Variants in TFAM observed in about 807,000 individuals in gnomAD.
TFAM encodes the protein transcription factor A, mitochondrial, also known as mitochondrial transcription factor 1.
In TFAM, 13 loss-of-function variants were observed where a neutral mutation model predicts 30.6. That is an observed-to-expected ratio of 0.42 (90% CI 0.28 to 0.67). The LOEUF (loss-of-function observed/expected upper bound fraction) is 0.67, where lower values mean the gene tolerates loss of function less well. TFAM is among the 30% of genes least tolerant of loss of function. The pLI, the probability that TFAM is intolerant of heterozygous loss-of-function variation, is 0.21. For missense variants in TFAM, 231 were observed against 293.7 expected (o/e 0.79, Z 1.56); for synonymous variants, 106 against 94.8 (o/e 1.12, Z -0.69).
chr10:58,394,730 A>G (rs1444499117), intron 6 of TFAM, among the ~76,000 whole-genome samples, 198 bp from the exon 7 acceptor site: 1 of 152,106 alleles, frequency 6.6e-6, no homozygotes, highest in Non-Finnish European at 1.5e-5. Context: ...AAGAGATAAC[A>G]GTCTATCTCT....
chr10:58,391,572 AT>A (rs919350008), intron 5 of TFAM, among the ~76,000 whole-genome samples: 4 of 151,484 alleles, frequency 2.6e-5, no homozygotes, highest in African/African-American at 4.9e-5. Context: ...TTGCTTCTTG[AT>A]TTTTTTTCAA....
intron 2 of TFAM, among the ~76,000 whole-genome samples, chr10:58,387,352 G>T (rs1222764792): frequency 1.3e-5 from 2 of 152,164 alleles, no homozygotes; most frequent in Non-Finnish European, 2.9e-5. Flanking sequence ...TCTTTTAAAT[G>T]TAAGAGTTAG....
At position 58,388,244 on chromosome 10, in the gene TFAM, C is replaced by A; in HGVS notation, c.275C>A (p.Pro92His). 2 of 1,613,950 alleles carry A rather than the reference C, an allele frequency of 1.2e-6. No individual in the cohort carries two copies. The highest frequency in any genetic ancestry group is 1.1e-5 in the South Asian group (1 of 91,064). ...RRIAQRWREL[P>H]DSKKKIYQDA... ...ATTGCCCAGCGTTGGAGGGAACTTC[C>A]TGATTCAAAGAAAAAAGTAAGCACA... is the stretch of plus-strand genomic sequence containing the variant. Residue 92 changes from proline (P) to histidine (H), a missense_variant, in exon 3 of 7, where the codon CCT (proline) becomes CAT (histidine). Physicochemically the swap from Pro to His is moderately conservative, Grantham distance 77. Transcript: ENST00000487519.
rs965687610 is a variant in TFAM, at chr10:58,397,215, G to A, written c.*2141G>A. On this transcript the variant is annotated 3_prime_UTR_variant, in exon 7 of 7. Transcript: ENST00000487519. ...GTGTTTGTAATGAGGGGTATGTAAT[G>A]ATTGAGATAGAGGAATGAGTTACAT... 1.3e-5 allele frequency: 2 copies of A among 152,178 alleles called. No homozygotes were observed. Among genetic ancestry groups the A allele is most frequent in the Non-Finnish European group, 2.9e-5 (2 of 68,034 alleles). The allele number at this position is 152,178 out of a possible 1,614,324, so 9.4% of individuals were successfully genotyped here.
rs1840694340 is a variant in TFAM at position 58,397,031 on chromosome 10, G to A, written c.*1957G>A. ...AGGAGGTGTGCTAGTGTCTATCACAGGCTTTCTCAATTAGGTTTGCAGGAG... is the reference window on the plus strand; with the variant it reads ...AGGAGGTGTGCTAGTGTCTATCACAAGCTTTCTCAATTAGGTTTGCAGGAG... On this transcript the variant is annotated 3_prime_UTR_variant, in exon 7 of 7. Transcript: ENST00000487519. 1 of 152,134 alleles carries A rather than the reference G, an allele frequency of 6.6e-6. No individual in the cohort carries two copies. The highest frequency in any genetic ancestry group is 2.1e-4 in the South Asian group (1 of 4,824). The allele number at this position is 152,134 out of a possible 1,614,324, so 9.4% of individuals were successfully genotyped here.
At chr10:58,385,676 G>A in intron 1 of TFAM, 28 bp downstream of exon 1, 2 of 1,519,080 alleles carry the variant, frequency 1.3e-6, no homozygotes, top group South Asian at 1.2e-5. Flanking sequence ...TGCCCTAGGG[G>A]CAGCAGGGCC....
chr10:58,392,684 CT>C (rs553658447), intron 5 of TFAM, among the ~76,000 whole-genome samples: 399 of 144,928 alleles, frequency 2.8e-3, no homozygotes, highest in African/African-American at 7.5e-3. Context: ...AATTTAACCT[CT>C]TTTTTTTTTT....
At position 58,388,285 on chromosome 10, in the gene TFAM, G is replaced by A. The variant is rs748143663; in HGVS notation, c.291+25G>A. On this transcript the variant is annotated intron_variant, in intron 3 of 6. Transcript: ENST00000487519. The stretch of plus-strand genomic sequence containing the variant: ...AGTAAGCACATAAGTTTTCAACATT[G>A]CTGACCAGTTATTCTGCAGTTAGGA... The A allele has an allele frequency of 1.9e-6, 3 of 1,596,082 alleles. No individual in the cohort carries two copies. In the South Asian group the frequency reaches 3.3e-5, roughly 18 times the overall value.
rs1840463440 is a variant in TFAM at position 58,385,438 on chromosome 10, A to T, written c.-110A>T. The T allele has an allele frequency of 1.3e-6, 1 of 790,790 alleles. No individual in the cohort carries two copies. Among genetic ancestry groups the T allele is most frequent in the Non-Finnish European group, 2.1e-6 (1 of 469,526 alleles). 49.0% of individuals were successfully genotyped at this position (790,790 alleles called of 1,614,324 possible). ...GTGCCTCGCTAGTGGCGGGCATGAT[A>T]ACACACGCCGGAGGGTCGCACGCGG... is the stretch of plus-strand genomic sequence containing the variant. On this transcript the variant is annotated 5_prime_UTR_variant, in exon 1 of 7. Transcript: ENST00000487519.
At chr10:58,388,003 G>C (rs548092401) in intron 2 of TFAM, among the ~76,000 whole-genome samples, 187 bp from the exon 3 acceptor site, 1 of 152,042 alleles carries the variant, frequency 6.6e-6, no homozygotes, top group Non-Finnish European at 1.5e-5. Flanking sequence ...ATACTCCTTA[G>C]TTGTTAGATA....
intron 1 of TFAM, 68 bp downstream of exon 1, chr10:58,385,716 C>G (rs1266328906): frequency 2.5e-6 from 3 of 1,189,736 alleles, no homozygotes; most frequent in African/African-American, 3.0e-5. Flanking sequence ...AATGTAGACC[C>G]TATCCTTCAC....
rs1840705753 is a variant in TFAM at position 58,397,513 on chromosome 10, TTTC to T, written c.*2441_*2443del. On this transcript the variant is annotated 3_prime_UTR_variant, in exon 7 of 7. Coordinates refer to ENST00000487519, the MANE Select transcript of TFAM (RefSeq NM_003201.3). Reference sequence around the variant, plus strand: ...GTATCAGCTTGTATTTGGTTCTCTGTTTCTAAAATAATGTAATTTTTAATATTT... The same window carrying T: ...GTATCAGCTTGTATTTGGTTCTCTGTTAAAATAATGTAATTTTTAATATTT... The T allele has an allele frequency of 5.9e-5, 9 of 152,188 alleles. No individual in the cohort carries two copies. The highest frequency in any genetic ancestry group is 9.7e-5 in the African/African-American group (4 of 41,450). 9.4% of individuals were successfully genotyped at this position (152,188 alleles called of 1,614,324 possible).
At chr10:58,386,370 C>T in intron 2 of TFAM, 32 bp downstream of exon 2, 1 of 1,458,502 alleles carries the variant, frequency 6.9e-7, no homozygotes, top group South Asian at 1.1e-5. Flanking sequence ...ACCCTTTTCT[C>T]ATGTAATAAA....
chr10:58,385,495 G>T lies in TFAM; in HGVS notation c.-53G>T. 7.1e-7 allele frequency: 1 copy of T among 1,401,862 alleles called. No homozygotes were observed. 86.8% of individuals were successfully genotyped at this position (1,401,862 alleles called of 1,614,324 possible). On this transcript the variant is annotated 5_prime_UTR_variant, in exon 1 of 7. Coordinates refer to ENST00000487519, the MANE Select transcript of TFAM (RefSeq NM_003201.3). Reference sequence around the variant, plus strand: ...GTTGTGATTGCTGGAGTTGTGTATTGCCAGGAGGCTCTCCGAGATTGGGGT... The same window carrying T: ...GTTGTGATTGCTGGAGTTGTGTATTTCCAGGAGGCTCTCCGAGATTGGGGT...
Position 58,395,148 on chromosome 10 carries a change from G to C in TFAM, c.*74G>C. 6.9e-7 allele frequency: 1 copy of C among 1,453,360 alleles called. No individual in the cohort carries two copies. Among genetic ancestry groups the C allele is most frequent in the East Asian group, 2.3e-5 (1 of 42,848 alleles). The allele number at this position is 1,453,360 out of a possible 1,614,324, so 90.0% of individuals were successfully genotyped here. On this transcript the variant is annotated 3_prime_UTR_variant, in exon 7 of 7. Transcript: ENST00000487519. ...TTAGGTCTCAATACCTGAAGCTATC[G>C]TAAAATTAAGAAAGGATAAAGTTGG...
intron 5 of TFAM, among the ~76,000 whole-genome samples, chr10:58,392,511 T>C (rs944426812): frequency 2.0e-5 from 3 of 152,190 alleles, no homozygotes; most frequent in South Asian, 2.1e-4. Flanking sequence ...TTTTTTGTTT[T>C]GTTTTGTTTT....
intron 1 of TFAM, 28 bp from the exon 2 acceptor site, chr10:58,386,192 T>C (rs761493625): frequency 1.4e-6 from 2 of 1,408,774 alleles, no homozygotes; most frequent in Non-Finnish European, 2.0e-6. Context: ...CATCTGACAC[T>C]GGTTATTTTC....
rs1426392084 is a variant in TFAM at position 58,398,403 on chromosome 10, T to C, written c.*3329T>C. On this transcript the variant is annotated 3_prime_UTR_variant, in exon 7 of 7. Transcript: ENST00000487519. ...GTACCAATGTTAGGTTTTACAAAAG[T>C]AATTTGATGAGGGGAAGGAGGGTTG... 1 of 152,228 alleles carries C rather than the reference T, an allele frequency of 6.6e-6. No homozygotes were observed. The highest frequency in any genetic ancestry group is 1.5e-5 in the Non-Finnish European group (1 of 68,046). 9.4% of individuals were successfully genotyped at this position (152,228 alleles called of 1,614,324 possible).
rs1589016728 is a variant in TFAM at position 58,398,486 on chromosome 10, GCTGTAATT to G, written c.*3421_*3428del. 1 of 152,106 alleles carries G rather than the reference GCTGTAATT, an allele frequency of 6.6e-6. No homozygotes were observed. Among genetic ancestry groups the G allele is most frequent in the Non-Finnish European group, 1.5e-5 (1 of 68,020 alleles). The allele number at this position is 152,106 out of a possible 1,614,324, so 9.4% of individuals were successfully genotyped here. On this transcript the variant is annotated 3_prime_UTR_variant, in exon 7 of 7. Transcript: ENST00000487519. Reference sequence around the variant, plus strand: ...ATAATACTGTGTACGTATTCAGCTTGCTGTAATTCTGTAATTACGCTATTGCGTTTGGC... The same window carrying G: ...ATAATACTGTGTACGTATTCAGCTTGCTGTAATTACGCTATTGCGTTTGGC...
Sources: allele counts gnomAD v4.1 joint callset (sites outside exome capture counted in the v4.1 genomes callset), GRCh38; gene constraint gnomAD v4.1.1; transcripts MANE v1.5; gene names NCBI Gene and HGNC (gene_info 2026-07-23, HGNC 2026-07-21).